SNX18: variants seen among roughly 807,000 people sequenced by gnomAD.
SNX18 encodes sorting nexin-18.
A neutral mutation model predicts 48.7 loss-of-function variants in SNX18; 35 were observed. The observed-to-expected ratio is 0.72, with a 90% CI of 0.55 to 0.95. SNX18 has a LOEUF of 0.95. SNX18 is among the 40% of genes least tolerant of loss of function. The pLI, the probability that SNX18 is intolerant of heterozygous loss-of-function variation, is 0.00. For synonymous variants in SNX18, 492 were observed against 384.7 expected (o/e 1.28, Z -3.26); for missense variants, 824 against 871.0 (o/e 0.95, Z 0.68).
chr5:54,526,942 G>A (rs538860683), intron 1 of SNX18, among the ~76,000 whole-genome samples: 14 of 151,844 alleles, frequency 9.2e-5, no homozygotes, highest in African/African-American at 2.7e-4. Flanking sequence ...CAGGAGAGTC[G>A]TCCAAGCAGG....
intron 1 of SNX18, among the ~76,000 whole-genome samples, chr5:54,524,726 C>T (rs1438119267): frequency 4.6e-5 from 7 of 152,170 alleles, no homozygotes; most frequent in Admixed American, 1.3e-4. Flanking sequence ...AGATTATATC[C>T]GGAAGGCAGA....
At chr5:54,531,849 C>T (rs189954876) in intron 1 of SNX18, among the ~76,000 whole-genome samples, 1 of 152,328 alleles carries the variant, frequency 6.6e-6, no homozygotes, top group East Asian at 1.9e-4. Context: ...TTGTGCTGCT[C>T]ACCAGTCGGT....
At chr5:54,563,871 A>G in the SNX18 span, among the ~76,000 whole-genome samples, 1 of 151,964 alleles carries the variant, frequency 6.6e-6, no homozygotes, top group Admixed American at 6.6e-5. Flanking sequence ...ATTTATATAT[A>G]GGAATATGTT....
the SNX18 span, among the ~76,000 whole-genome samples, chr5:54,599,944 A>C: frequency 6.6e-6 from 1 of 152,224 alleles, no homozygotes; most frequent in African/African-American, 2.4e-5. Context: ...TTCATGATAA[A>C]ATCACCAAAA....
At chr5:54,559,372 A>C in the SNX18 span, among the ~76,000 whole-genome samples, 1 of 152,346 alleles carries the variant, frequency 6.6e-6, no homozygotes, top group Admixed American at 6.5e-5. Context: ...CTACAAAAAC[A>C]AATATATAGA....
At position 54,518,183 on chromosome 5, in the gene SNX18, C is replaced by A; in HGVS notation, c.231C>A (p.Arg77=). 1 of 1,387,554 alleles carries A rather than the reference C, an allele frequency of 7.2e-7. No homozygotes were observed. The highest frequency in any genetic ancestry group is 9.3e-7 in the Non-Finnish European group (1 of 1,079,408). The allele number at this position is 1,387,554 out of a possible 1,614,324, so 86.0% of individuals were successfully genotyped here. A position where few individuals can be genotyped will look rare whatever the true frequency, so the allele number is the denominator to read the frequency against. The part of the protein sequence containing the change: ...AGDGGPGAPA[R]YANVPPGGFE... The stretch of plus-strand genomic sequence containing the variant: ...ACGGCGGCCCGGGCGCCCCGGCCCG[C>A]TACGCCAATGTGCCCCCCGGGGGCT... The change falls in exon 1 of 2, where the codon CGC becomes CGA. Residue 77 remains arginine, a synonymous_variant. Transcript: ENST00000381410.
At chr5:54,519,851 T>C (rs762246610) in intron 1 of SNX18, 16 of 1,575,594 alleles carry the variant, frequency 1.0e-5, no homozygotes, top group Non-Finnish European at 1.3e-5. Context: ...GTTTGAATAG[T>C]TGAGTAATGA....
At chr5:54,618,588 A>G in the SNX18 span, among the ~76,000 whole-genome samples, 41 of 152,328 alleles carry the variant, frequency 2.7e-4, no homozygotes, top group African/African-American at 9.6e-4. Flanking sequence ...AAATAAAATA[A>G]CATGCGATGT....
At chr5:54,540,366 C>T (rs546545500) in intron 1 of SNX18, among the ~76,000 whole-genome samples, 3 of 152,272 alleles carry the variant, frequency 2.0e-5, no homozygotes, top group Non-Finnish European at 4.4e-5. Context: ...TAGAAATGCA[C>T]TGCCATGACT....
chr5:54,519,034 A>G lies in SNX18; in HGVS notation c.1082A>G (p.Asn361Ser). Residue 361 changes from asparagine (N) to serine (S), a missense_variant, in exon 1 of 2, where the codon AAC (asparagine) becomes AGC (serine). Transcript: ENST00000381410. Reference protein sequence around the residue: ...KRRKGLIWWMNHMASHPVLAQ... With the variant: ...KRRKGLIWWMSHMASHPVLAQ... Reference sequence around the variant, plus strand: ...AGGAAGGGCCTGATCTGGTGGATGAACCACATGGCCAGCCACCCAGTGCTG... The same window carrying G: ...AGGAAGGGCCTGATCTGGTGGATGAGCCACATGGCCAGCCACCCAGTGCTG... 1 of 1,613,234 alleles carries G rather than the reference A, an allele frequency of 6.2e-7. No homozygotes were observed. Among genetic ancestry groups the G allele is most frequent in the Non-Finnish European group, 8.5e-7 (1 of 1,179,564 alleles).
chr5:54,601,474 G>A, the SNX18 span, among the ~76,000 whole-genome samples: 1 of 152,140 alleles, frequency 6.6e-6, no homozygotes, highest in Admixed American at 6.6e-5. Flanking sequence ...TTTACTGCTT[G>A]CTTTGGTACA....
downstream of SNX18, among the ~76,000 whole-genome samples, chr5:54,547,388 C>G (rs375025969): frequency 4.6e-5 from 7 of 152,326 alleles, no homozygotes; most frequent in South Asian, 1.0e-3. Flanking sequence ...AATGATGGAG[C>G]TGAGATTCAA....
chr5:54,587,154 AT>A, the SNX18 span, among the ~76,000 whole-genome samples: 3 of 152,216 alleles, frequency 2.0e-5, no homozygotes, highest in East Asian at 5.8e-4. Context: ...CTCATGGCAA[AT>A]TATTTAAATC....
the SNX18 span, among the ~76,000 whole-genome samples, chr5:54,594,761 C>T: frequency 9.9e-5 from 15 of 152,082 alleles, no homozygotes; most frequent in Admixed American, 6.5e-4. Context: ...TTTTGGGGTA[C>T]GATTGATCCT....
chr5:54,621,729 C>A, the SNX18 span, among the ~76,000 whole-genome samples: 10 of 152,216 alleles, frequency 6.6e-5, no homozygotes, highest in Non-Finnish European at 1.5e-4. Context: ...AGATAGACCC[C>A]TCTGGCTGCT....
At chr5:54,573,550 G>A in the SNX18 span, among the ~76,000 whole-genome samples, 2 of 152,134 alleles carry the variant, frequency 1.3e-5, no homozygotes, top group Middle Eastern at 3.2e-3. Flanking sequence ...CATCCTCTCA[G>A]GGGTACAAAT....
At chr5:54,612,508 C>T in the SNX18 span, among the ~76,000 whole-genome samples, 19 of 152,162 alleles carry the variant, frequency 1.2e-4, no homozygotes, top group South Asian at 2.7e-3. Context: ...CATGATCTGC[C>T]GGTCTCGGCC....
the SNX18 span, among the ~76,000 whole-genome samples, chr5:54,595,543 G>A: frequency 6.6e-6 from 1 of 152,122 alleles, no homozygotes; most frequent in Admixed American, 6.6e-5. Flanking sequence ...CCTGCTTTAA[G>A]TTCTTTCAGA....
the SNX18 span, among the ~76,000 whole-genome samples, chr5:54,561,490 G>A: frequency 2.7e-5 from 4 of 148,804 alleles, no homozygotes; most frequent in South Asian, 2.1e-4. Context: ...GGCACACACC[G>A]GCACGCCCAG....
Sources: gnomAD v4.1 joint callset for allele counts (sites outside exome capture counted in the v4.1 genomes callset) on GRCh38, gnomAD v4.1.1 for gene constraint, MANE v1.5 for transcripts, NCBI Gene and HGNC (gene_info 2026-07-23, HGNC 2026-07-21) for gene names.